Variants in RGS6 observed in about 807,000 individuals in gnomAD.
RGS6 encodes the protein regulator of G-protein signaling 6.
A neutral mutation model predicts 78.5 loss-of-function variants in RGS6; 30 were observed. The observed-to-expected ratio is 0.38, with a 90% CI of 0.29 to 0.52. RGS6 has a LOEUF of 0.52. RGS6 is among the 20% of genes least tolerant of loss of function. The pLI, the probability that RGS6 is intolerant of heterozygous loss-of-function variation, is 0.85. For synonymous variants in RGS6, 206 were observed against 206.0 expected (o/e 1.00, Z 0.00); for missense variants, 495 against 609.7 (o/e 0.81, Z 1.98).
At chr14:72,624,333 CTTTT>C in the RGS6 span, among the ~76,000 whole-genome samples, 5 of 97,796 alleles carry the variant, frequency 5.1e-5, no homozygotes, top group Admixed American at 1.3e-4. Context: ...ACCTATGTCT[CTTTT>C]TTTTTTTTTT....
rs78198318 is a variant in RGS6, at chr14:72,523,686, C to T, written c.1278+5149C>T. 9.0e-3 allele frequency among the ~76,000 whole-genome samples: 1,372 copies of T among 152,274 alleles called. 20 individuals are homozygous for T. The highest frequency in any genetic ancestry group is 0.031 in the African/African-American group (1,299 of 41,526). On this transcript the variant is annotated intron_variant, in intron 15 of 17. Transcript: ENST00000553525. ...GCATTTGTACTTGTGTTTTGCTGAT[C>T]CGTTTAGCTTTTTTGAAAATTTTGG... is the stretch of plus-strand genomic sequence containing the variant.
intron 2 of RGS6, among the ~76,000 whole-genome samples, chr14:72,158,388 C>A (rs1360188874): frequency 6.6e-6 from 1 of 152,178 alleles, no homozygotes; most frequent in Non-Finnish European, 1.5e-5. Flanking sequence ...CTGAAAAGAT[C>A]CTGTCTCCAA....
intron 12 of RGS6, among the ~76,000 whole-genome samples, chr14:72,478,578 G>A (rs546686973): frequency 2.2e-4 from 34 of 152,282 alleles, no homozygotes; most frequent in Non-Finnish European, 3.7e-4. Flanking sequence ...TGTCAATCAA[G>A]GAAGAATGTC....
intron 2 of RGS6, among the ~76,000 whole-genome samples, chr14:71,976,193 T>G (rs1595511653): frequency 6.6e-6 from 1 of 151,606 alleles, no homozygotes; most frequent in East Asian, 1.9e-4. Flanking sequence ...TGCTGGACTG[T>G]TTCTACTAAC....
chr14:71,987,537 A>T (rs534987335), intron 2 of RGS6, among the ~76,000 whole-genome samples: 6 of 152,068 alleles, frequency 3.9e-5, no homozygotes, highest in Non-Finnish European at 8.8e-5. Flanking sequence ...TTTATTTTTT[A>T]TTTTTTCAGA....
At chr14:71,901,739 C>T in the RGS6 span, among the ~76,000 whole-genome samples, 1 of 152,166 alleles carries the variant, frequency 6.6e-6, no homozygotes, top group African/African-American at 2.4e-5. Context: ...ACCACAGAGA[C>T]TGTTTATTTC....
intron 2 of RGS6, among the ~76,000 whole-genome samples, chr14:72,096,294 GAAAA>G (rs765577210): frequency 1.4e-5 from 2 of 146,134 alleles, no homozygotes; most frequent in Non-Finnish European, 3.0e-5. Context: ...AAAAAAAAAA[GAAAA>G]GAAAAACACA....
chr14:72,056,260 G>T (rs1000444464), intron 2 of RGS6, among the ~76,000 whole-genome samples: 4 of 152,188 alleles, frequency 2.6e-5, no homozygotes, highest in Non-Finnish European at 4.4e-5. Flanking sequence ...ACTAGCCTTT[G>T]CTCTGTAAGC....
At chr14:72,380,437 G>A (rs2085768621) in intron 3 of RGS6, among the ~76,000 whole-genome samples, 1 of 150,252 alleles carries the variant, frequency 6.7e-6, no homozygotes. Flanking sequence ...TCAATATCCA[G>A]AATATGCAAG....
rs141768239 is a variant in RGS6 at position 72,100,012 on chromosome 14, G to T, written c.84+135137G>T. On this transcript the variant is annotated intron_variant, in intron 2 of 17. Transcript: ENST00000553525. Reference sequence around the variant, plus strand: ...GGTTCCGAAAGCCAAGCAGAGAGCGGGTCACCAGCACAGTAGTAAGAGTCA... The same window carrying T: ...GGTTCCGAAAGCCAAGCAGAGAGCGTGTCACCAGCACAGTAGTAAGAGTCA... Among the ~76,000 whole-genome samples the T allele has an allele frequency of 2.5e-3, 375 of 152,208 alleles. 4 individuals are homozygous for T. The highest frequency in any genetic ancestry group is 8.9e-3 in the African/African-American group (368 of 41,526).
chr14:72,321,003 T>G (rs570480141), intron 2 of RGS6, among the ~76,000 whole-genome samples: 2 of 150,736 alleles, frequency 1.3e-5, no homozygotes, highest in African/African-American at 4.8e-5. Context: ...TAGTTTGAAA[T>G]ATATATGTAA....
At chr14:71,952,271 C>T (rs1273283611) in intron 1 of RGS6, among the ~76,000 whole-genome samples, 3 of 151,706 alleles carry the variant, frequency 2.0e-5, no homozygotes, top group African/African-American at 7.3e-5. Context: ...TTACAAATAC[C>T]GTTTATCAGA....
intron 3 of RGS6, among the ~76,000 whole-genome samples, chr14:72,376,348 A>G (rs1047778741): frequency 7.9e-4 from 121 of 152,360 alleles, no homozygotes; most frequent in African/African-American, 2.8e-3. Flanking sequence ...ATTAAGTCAA[A>G]GGATTTATGG....
intron 4 of RGS6, 66 bp from the exon 5 acceptor site, chr14:72,458,205 C>A: frequency 1.6e-6 from 2 of 1,258,590 alleles, no homozygotes; most frequent in South Asian, 2.6e-5. Context: ...TCTGGTCTCC[C>A]AGCTTAATTT....
chr14:72,158,829 G>C (rs574868461), intron 2 of RGS6, among the ~76,000 whole-genome samples: 1 of 149,564 alleles, frequency 6.7e-6, no homozygotes, highest in Non-Finnish European at 1.5e-5. Flanking sequence ...TAGAATATCC[G>C]GTATAACATT....
intron 5 of RGS6, 97 bp downstream of exon 5, chr14:72,458,474 G>GCTACTCCCTCAGAT: frequency 4.3e-6 from 4 of 930,966 alleles, no homozygotes; most frequent in Non-Finnish European, 6.7e-6. Flanking sequence ...ATATCTGAGG[G>GCTACTCCCTCAGAT]AGTAGCCCTC....
At chr14:71,937,759 A>C (rs1476601518) in intron 1 of RGS6, among the ~76,000 whole-genome samples, 1 of 152,248 alleles carries the variant, frequency 6.6e-6, no homozygotes, top group Admixed American at 6.5e-5. Context: ...CATTGTGTGC[A>C]GGATAGGCAA....
At chr14:72,021,404 G>T (rs1362321645) in intron 2 of RGS6, among the ~76,000 whole-genome samples, 1 of 151,320 alleles carries the variant, frequency 6.6e-6, no homozygotes, top group African/African-American at 2.4e-5. Flanking sequence ...CCACACACTG[G>T]ATCCTCACAA....
At chr14:72,465,927 T>TCCACTG in intron 7 of RGS6, 105 bp downstream of exon 7, 1 of 848,648 alleles carries the variant, frequency 1.2e-6, no homozygotes, top group Non-Finnish European at 1.9e-6. Context: ...TTTTGTCCCT[T>TCCACTG]TCAGACAGTG....
Sources: gnomAD v4.1 joint callset for allele counts (sites outside exome capture counted in the v4.1 genomes callset) on GRCh38, gnomAD v4.1.1 for gene constraint, MANE v1.5 for transcripts, NCBI Gene and HGNC (gene_info 2026-07-23, HGNC 2026-07-21) for gene names.